Variants in MYO5C observed in about 807,000 individuals in gnomAD.
The protein encoded by MYO5C is unconventional myosin-Vc.
A neutral mutation model predicts 235.7 loss-of-function variants in MYO5C; 194 were observed. That is an observed-to-expected ratio of 0.82 (90% CI 0.73 to 0.93). The LOEUF is 0.93. Among genes scored for constraint, MYO5C ranks in the 40% least tolerant of loss-of-function variants. The probability of loss-of-function intolerance (pLI) is 0.00; values close to 1 mark genes in which losing one functional copy is unlikely to be tolerated. For missense variants in MYO5C, 2,038 were observed against 2,127.2 expected (o/e 0.96, Z 0.82); for synonymous variants, 707 against 754.8 (o/e 0.94, Z 1.04).
At chr15:52,261,559 G>A (rs1016367672) in intron 9 of MYO5C, among the ~76,000 whole-genome samples, 30 of 152,318 alleles carry the variant, frequency 2.0e-4, no homozygotes, top group African/African-American at 7.0e-4. Context: ...TGTGGCCAGG[G>A]GTTTGCCTGG....
chr15:52,247,921 C>T (rs1375428784), intron 14 of MYO5C, among the ~76,000 whole-genome samples: 2 of 152,166 alleles, frequency 1.3e-5, no homozygotes, highest in African/African-American at 4.8e-5. Flanking sequence ...CTCCTCCCTC[C>T]TACTCCACAT....
rs771703708 is a variant in MYO5C, at chr15:52,272,615, T to C, written c.715A>G (p.Thr239Ala). Residue 239 changes from threonine to alanine, a missense_variant, in exon 6 of 41, where the codon ACT becomes GCT. Thr to Ala is a moderately conservative substitution (Grantham distance 58). Transcript: ENST00000261839. ...ACTCTGGATTTCTCCAGGAGGTAAG[T>C]GCTCATGTTGGCTCCTATAATTTGA... ...QNQIIGANMS[T>A]YLLEKSRVVF... 2.9e-5 allele frequency: 47 copies of C among 1,613,980 alleles called. No homozygotes were observed. Among genetic ancestry groups the C allele is most frequent in the Non-Finnish European group, 3.7e-5 (44 of 1,180,020 alleles).
At chr15:52,270,007 C>T (rs1167442008) in intron 7 of MYO5C, 147 bp from the exon 8 acceptor site, 3 of 618,254 alleles carry the variant, frequency 4.9e-6, no homozygotes, top group East Asian at 2.8e-5. Context: ...CTCTGCATTA[C>T]AGCCAGGTGT....
chr15:52,201,815 C>T (rs981062073), intron 38 of MYO5C, among the ~76,000 whole-genome samples: 1 of 150,922 alleles, frequency 6.6e-6, no homozygotes, highest in Non-Finnish European at 1.5e-5. Context: ...CTGCATTCCA[C>T]TTGATGTGGT....
chr15:52,232,203 G>A lies in MYO5C; in HGVS notation c.3026+419C>T, dbSNP rs1424730794. 0.02 allele frequency among the ~76,000 whole-genome samples: 1,921 copies of A among 98,326 alleles called. 550 individuals are homozygous for A. The East Asian group carries it at 0.2, about 10-fold the overall frequency. The allele number at this position is 98,326 out of a possible 152,430, so 64.5% of individuals were successfully genotyped here. ...GGAAGGGAGGAAGGGAGGAAGGAAG[G>A]AAGGAAAAGAAAGAAAATGAAAGAA... On this transcript the variant is annotated intron_variant, in intron 24 of 40. Coordinates refer to ENST00000261839, the MANE Select transcript of MYO5C (RefSeq NM_018728.4).
In MYO5C at chr15:52,211,826, C is replaced by G; in HGVS notation, c.4200G>C (p.Leu1400=). 6.2e-7 allele frequency: 1 copy of G among 1,614,176 alleles called. No homozygotes were observed. Among genetic ancestry groups the G allele is most frequent in the Non-Finnish European group, 8.5e-7 (1 of 1,180,014 alleles). Reference sequence around the variant, plus strand: ...AGTCTGCGTAGCGCACACACATGAACAGGATATGAGCCGGCAGCCCGGGGA... The same window carrying G: ...AGTCTGCGTAGCGCACACACATGAAGAGGATATGAGCCGGCAGCCCGGGGA... ...NMIPGLPAHI[L]FMCVRYADSL... The change falls in exon 35 of 41, where the codon CTG becomes CTC. Residue 1400 remains leucine (L), a synonymous_variant. Coordinates refer to ENST00000261839, the MANE Select transcript of MYO5C (RefSeq NM_018728.4).
At chr15:52,294,025 C>G (rs1048548721) in intron 1 of MYO5C, among the ~76,000 whole-genome samples, 8 of 152,220 alleles carry the variant, frequency 5.3e-5, no homozygotes, top group African/African-American at 1.7e-4. Flanking sequence ...GGCCATCAGG[C>G]TGCGTCAGTC....
intron 25 of MYO5C, among the ~76,000 whole-genome samples, chr15:52,226,867 G>C (rs1041416949): frequency 6.6e-6 from 1 of 152,162 alleles, no homozygotes; most frequent in African/African-American, 2.4e-5. Context: ...ACCAGAGTAG[G>C]CTGGGCACGG....
intron 20 of MYO5C, among the ~76,000 whole-genome samples, chr15:52,241,764 C>T (rs1211306474): frequency 7.8e-6 from 1 of 127,486 alleles, no homozygotes; most frequent in Non-Finnish European, 1.8e-5. Context: ...GAGAGAGAGA[C>T]AGGGTCTCCC....
At chr15:52,275,989 C>CT (rs1555420330) in intron 4 of MYO5C, among the ~76,000 whole-genome samples, 1 of 152,148 alleles carries the variant, frequency 6.6e-6, no homozygotes, top group African/African-American at 2.4e-5. Context: ...CAAAAAACTG[C>CT]TCCTTCCCAT....
intron 21 of MYO5C, among the ~76,000 whole-genome samples, chr15:52,238,793 C>T (rs1596177188): frequency 6.6e-6 from 1 of 151,836 alleles, no homozygotes; most frequent in Admixed American, 6.6e-5. Flanking sequence ...AGGCGCCCGC[C>T]ACCACGCCCG....
chr15:52,223,355 C>A (rs2035744249), intron 29 of MYO5C, among the ~76,000 whole-genome samples, 189 bp downstream of exon 29: 1 of 152,192 alleles, frequency 6.6e-6, no homozygotes, highest in Non-Finnish European at 1.5e-5. Flanking sequence ...TGAACACACA[C>A]ACTCTTGTAT....
intron 23 of MYO5C, among the ~76,000 whole-genome samples, chr15:52,234,002 T>C (rs1787995913): frequency 1.3e-5 from 2 of 152,242 alleles, no homozygotes. Flanking sequence ...CAGAACGTTG[T>C]AAGGCAGCCA....
intron 23 of MYO5C, among the ~76,000 whole-genome samples, chr15:52,233,652 T>C (rs948179695): frequency 2.6e-5 from 4 of 152,236 alleles, no homozygotes; most frequent in South Asian, 2.1e-4. Flanking sequence ...AAAAGGCAGC[T>C]GTTAACACTG....
intron 9 of MYO5C, among the ~76,000 whole-genome samples, chr15:52,263,015 A>G (rs548667931): frequency 6.6e-6 from 1 of 152,252 alleles, no homozygotes; most frequent in Non-Finnish European, 1.5e-5. Flanking sequence ...TCTCTCCACC[A>G]TGAGGACACA....
intron 29 of MYO5C, among the ~76,000 whole-genome samples, 169 bp downstream of exon 29, chr15:52,223,375 C>T (rs1328794417): frequency 6.6e-6 from 1 of 152,204 alleles, no homozygotes; most frequent in African/African-American, 2.4e-5. Context: ...TCAGAGTGCT[C>T]TCTGGTCTGC....
intron 1 of MYO5C, among the ~76,000 whole-genome samples, chr15:52,284,110 C>A (rs1309046884): frequency 6.6e-6 from 1 of 151,878 alleles, no homozygotes; most frequent in East Asian, 1.9e-4. Context: ...TAAGCCCCCC[C>A]CTCAAAGAAT....
chr15:52,200,438 G>A (rs1475698629), intron 38 of MYO5C, among the ~76,000 whole-genome samples: 2 of 151,884 alleles, frequency 1.3e-5, no homozygotes, highest in African/African-American at 4.8e-5. Flanking sequence ...TATGGTAGTG[G>A]GTGCTTGTAA....
chr15:52,263,948 A>C (rs575292384), intron 9 of MYO5C, among the ~76,000 whole-genome samples: 2 of 152,300 alleles, frequency 1.3e-5, no homozygotes, highest in Admixed American at 6.5e-5. Context: ...TGCTTCATAC[A>C]TACTTTTTGA....
Sources: gnomAD v4.1 joint callset for allele counts (sites outside exome capture counted in the v4.1 genomes callset) on GRCh38, gnomAD v4.1.1 for gene constraint, MANE v1.5 for transcripts, NCBI Gene and HGNC (gene_info 2026-07-23, HGNC 2026-07-21) for gene names.